ARMC1: variants seen among roughly 807,000 people sequenced by gnomAD.
ARMC1 encodes the protein armadillo repeat-containing protein 1.
In ARMC1, 16 loss-of-function variants were observed where a neutral mutation model predicts 31.4. The observed-to-expected ratio is 0.51, with a 90% CI of 0.34 to 0.77. The LOEUF (loss-of-function observed/expected upper bound fraction) is 0.77. Among genes scored for constraint, ARMC1 ranks in the 30% least tolerant of loss-of-function variants. The pLI is 0.01. For synonymous variants in ARMC1, 114 were observed against 118.9 expected, an observed-to-expected ratio of 0.96 and a Z score of 0.27; for missense variants, 259 against 347.5, an observed-to-expected ratio of 0.75 and a Z score of 2.02.
intron 3 of ARMC1, among the ~76,000 whole-genome samples, chr8:65,619,990 A>G (rs972540696): frequency 2.4e-4 from 37 of 151,700 alleles, no homozygotes; most frequent in Non-Finnish European, 3.4e-4. Context: ...AAAAAAAAAA[A>G]AAAAATTAGC....
In ARMC1 at chr8:65,627,230, G is replaced by C. The variant is rs2129044076; in HGVS notation, c.169C>G (p.His57Asp). The stretch of plus-strand genomic sequence containing the variant: ...AGGCAACTTACAAGCAAAGCGGAGT[G>C]GACGACTGGAGGGTTGGGATGGTCC... ...FMDHPNPPVV[H>D]SALLALRYLA... The change falls in exon 2 of 7, where the codon CAC becomes GAC. Residue 57 changes from histidine (H) to aspartate (D), a missense_variant. By Grantham distance (81) the His-to-Asp change is moderately conservative. Coordinates refer to ENST00000276569, the MANE Select transcript of ARMC1 (RefSeq NM_018120.6). 6.4e-7 allele frequency: 1 copy of C among 1,574,408 alleles called. No homozygotes were observed. Among genetic ancestry groups the C allele is most frequent in the East Asian group, 2.3e-5 (1 of 43,778 alleles).
chr8:65,627,152 T>A, intron 2 of ARMC1, 64 bp downstream of exon 2: 1 of 1,460,778 alleles, frequency 6.8e-7, no homozygotes. Flanking sequence ...TCTAGCACTT[T>A]TTCCAAATTC....
intron 2 of ARMC1, among the ~76,000 whole-genome samples, chr8:65,624,513 A>G (rs1230318323): frequency 6.6e-6 from 1 of 150,780 alleles, no homozygotes; most frequent in Non-Finnish European, 1.5e-5. Context: ...AAAAAAAAAG[A>G]CATTTTTAAA....
At position 65,609,176 on chromosome 8, in the gene ARMC1, T is replaced by A. The variant is rs73236948; in HGVS notation, c.466-3638A>T. On this transcript the variant is annotated intron_variant, in intron 4 of 6. Transcript: ENST00000276569. ...TGAGACGGAATCTCGCTATGTTGAC[T>A]AGGCTGGTCTTGAACTCTTGGGCTC... is the stretch of plus-strand genomic sequence containing the variant. Among the ~76,000 whole-genome samples, 5 of 146,106 alleles carry A rather than the reference T, an allele frequency of 3.4e-5. No individual in the cohort carries two copies. In the East Asian group the frequency reaches 6.2e-4, roughly 18 times the overall value.
At chr8:65,627,162 C>G (rs1808528024) in intron 2 of ARMC1, 54 bp downstream of exon 2, 1 of 1,482,750 alleles carries the variant, frequency 6.7e-7, no homozygotes, top group Non-Finnish European at 9.0e-7. Context: ...TTTCCAAATT[C>G]TCACCTTAAC....
At chr8:65,630,864 T>C (rs907767646) in intron 1 of ARMC1, among the ~76,000 whole-genome samples, 13 of 151,686 alleles carry the variant, frequency 8.6e-5, no homozygotes, top group Non-Finnish European at 1.6e-4. Flanking sequence ...CAAAGAGCAC[T>C]GATAAGGATT....
intron 3 of ARMC1, among the ~76,000 whole-genome samples, chr8:65,621,871 GT>G (rs1808400677): frequency 6.6e-6 from 1 of 152,002 alleles, no homozygotes; most frequent in Admixed American, 6.6e-5. Context: ...TAGTTCCACA[GT>G]TTTACCATTT....
chr8:65,616,568 T>C (rs1315787999), intron 3 of ARMC1, among the ~76,000 whole-genome samples: 1 of 152,076 alleles, frequency 6.6e-6, no homozygotes, highest in Non-Finnish European at 1.5e-5. Flanking sequence ...GTCTGGGAAG[T>C]GAGGAGCGTC....
At chr8:65,621,223 T>C (rs898059472) in intron 3 of ARMC1, among the ~76,000 whole-genome samples, 3 of 152,192 alleles carry the variant, frequency 2.0e-5, no homozygotes, top group African/African-American at 7.2e-5. Context: ...TCCAATGGAT[T>C]CCTTAGGGCT....
intron 3 of ARMC1, among the ~76,000 whole-genome samples, chr8:65,613,979 C>T (rs763664811): frequency 6.7e-6 from 1 of 148,758 alleles, no homozygotes; most frequent in East Asian, 1.9e-4. Context: ...AAAAACCACA[C>T]GTTTAATAAA....
At position 65,627,341 on chromosome 8, in the gene ARMC1, G is replaced by A; in HGVS notation, c.58C>T (p.Gln20Ter). The A allele has an allele frequency of 6.2e-7, 1 of 1,613,132 alleles. No homozygotes were observed. Among genetic ancestry groups the A allele is most frequent in the Non-Finnish European group, 8.5e-7 (1 of 1,179,492 alleles). Reference sequence around the variant, plus strand: ...GGATCTGCTGCTAGATCCCGTAACTGGTTAACTACCGATAGAGCGTCAGGC... The same window carrying A: ...GGATCTGCTGCTAGATCCCGTAACTAGTTAACTACCGATAGAGCGTCAGGC... ...EEPDALSVVN[Q>*]LRDLAADPLN... Residue 20 changes from glutamine (Q) to a stop codon, truncating the protein, a stop_gained, in exon 2 of 7, where the codon CAG becomes TAG. Coordinates refer to ENST00000276569, the MANE Select transcript of ARMC1 (RefSeq NM_018120.6). LOFTEE classifies it high-confidence loss of function.
chr8:65,614,012 T>C (rs984944611), intron 3 of ARMC1, among the ~76,000 whole-genome samples: 1 of 151,100 alleles, frequency 6.6e-6, no homozygotes, highest in Admixed American at 6.6e-5. Flanking sequence ...CAAAATCAAC[T>C]AACAAGATCA....
intron 3 of ARMC1, among the ~76,000 whole-genome samples, chr8:65,616,213 G>T (rs954369311): frequency 1.3e-5 from 2 of 152,162 alleles, no homozygotes; most frequent in Non-Finnish European, 2.9e-5. Context: ...CTGCCATCTC[G>T]GCTCACTACA....
In ARMC1 at chr8:65,627,308, T is replaced by C; in HGVS notation, c.91A>G (p.Arg31Gly). The change falls in exon 2 of 7, where the codon AGA becomes GGA. Residue 31 changes from arginine to glycine, a missense_variant. Around this residue, in one of 3 missense-constraint regions of ARMC1, gnomAD observed 163 missense variants for 186.7 expected, o/e 0.87. Transcript: ENST00000276569. Reference sequence around the variant, plus strand: ...CCCTGATCCTGGACGATGGCTCTTCTGTTTAACGGATCTGCTGCTAGATCC... The same window carrying C: ...CCCTGATCCTGGACGATGGCTCTTCCGTTTAACGGATCTGCTGCTAGATCC... Reference protein sequence around the residue: ...LRDLAADPLNRRAIVQDQGCL... With the variant: ...LRDLAADPLNGRAIVQDQGCL... 1 of 1,613,604 alleles carries C rather than the reference T, an allele frequency of 6.2e-7. No homozygotes were observed. The highest frequency in any genetic ancestry group is 8.5e-7 in the Non-Finnish European group (1 of 1,179,778).
intron 3 of ARMC1, among the ~76,000 whole-genome samples, chr8:65,615,266 C>T (rs1808224568): frequency 1.3e-5 from 2 of 152,090 alleles, no homozygotes; most frequent in African/African-American, 4.8e-5. Context: ...TTAGTTGCCT[C>T]AGCATTTTTA....
chr8:65,604,471 C>G lies in ARMC1; in HGVS notation c.772G>C (p.Val258Leu), dbSNP rs747204678. 2.5e-6 allele frequency: 4 copies of G among 1,614,174 alleles called. No individual in the cohort carries two copies. The highest frequency in any genetic ancestry group is 1.7e-6 in the Non-Finnish European group (2 of 1,180,040). Residue 258 changes from valine to leucine, a missense_variant, in exon 7 of 7, where the codon GTC becomes CTC. Around this residue, in one of 3 missense-constraint regions of ARMC1, gnomAD observed 73 missense variants for 100.0 expected, o/e 0.73. Coordinates refer to ENST00000276569, the MANE Select transcript of ARMC1 (RefSeq NM_018120.6). Reference protein sequence around the residue: ...TKEQDKAVSRVGSHPEGGASW... With the variant: ...TKEQDKAVSRLGSHPEGGASW... ...GCTCCACCTTCTGGGTGTGAGCCGA[C>G]CCGGGACACCGCTTTGTCCTGTTCC...
At chr8:65,605,043 AG>A (rs1807973022) in intron 6 of ARMC1, among the ~76,000 whole-genome samples, 1 of 152,242 alleles carries the variant, frequency 6.6e-6, no homozygotes, top group African/African-American at 2.4e-5. Context: ...AATAAATGCA[AG>A]GAAGACACAT....
At chr8:65,631,396 G>A (rs534045698) in intron 1 of ARMC1, among the ~76,000 whole-genome samples, 3 of 152,196 alleles carry the variant, frequency 2.0e-5, no homozygotes, top group South Asian at 2.1e-4. Context: ...CACCATGCCC[G>A]GCTAATTTTT....
At chr8:65,621,455 C>T (rs1297464815) in intron 3 of ARMC1, among the ~76,000 whole-genome samples, 2 of 152,310 alleles carry the variant, frequency 1.3e-5, no homozygotes, top group South Asian at 4.1e-4. Context: ...ACACAAGCTT[C>T]TGTCTACTTA....
Sources: gnomAD v4.1 joint callset for allele counts (sites outside exome capture counted in the v4.1 genomes callset) on GRCh38, gnomAD v4.1.1 for gene constraint, gnomAD v4.1.1 regional missense constraint, MANE v1.5 for transcripts, NCBI Gene and HGNC (gene_info 2026-07-23, HGNC 2026-07-21) for gene names.